The following EPHA6 variants were observed in gnomAD, a reference collection of about 807,000 sequenced individuals.
The protein encoded by EPHA6 is ephrin type-A receptor 6.
In EPHA6, 50 loss-of-function variants were observed where a neutral mutation model predicts 112.0. The observed-to-expected ratio is 0.45, with a 90% confidence interval of 0.36 to 0.56. The LOEUF is 0.56. Ranked by LOEUF, EPHA6 falls within the 20% of genes least tolerant of loss-of-function variation. The pLI, the probability that EPHA6 is intolerant of heterozygous loss-of-function variation, is 0.00. For missense variants in EPHA6, 1,280 were observed against 1,417.4 expected (o/e 0.90, Z 1.56); for synonymous variants, 529 against 490.7 (o/e 1.08, Z -1.03).
chr3:96,986,916 C>T (rs370187496), intron 2 of EPHA6, among the ~76,000 whole-genome samples: 154 of 152,202 alleles, frequency 1.0e-3, no homozygotes, highest in African/African-American at 3.6e-3. Context: ...ACCCTAAGTG[C>T]GTTTTTTATA....
intron 11 of EPHA6, among the ~76,000 whole-genome samples, chr3:97,560,000 C>G (rs1476454163): frequency 6.6e-6 from 1 of 151,304 alleles, no homozygotes; most frequent in East Asian, 1.9e-4. Flanking sequence ...AAAGATACTG[C>G]ATCCATAAAA....
chr3:97,105,511 A>ACCTCCTCTC (rs2047539537), intron 3 of EPHA6, among the ~76,000 whole-genome samples: 2 of 152,126 alleles, frequency 1.3e-5, no homozygotes, highest in African/African-American at 2.4e-5. Context: ...CTATTGTCCA[A>ACCTCCTCTC]TAGTGTGTTT....
chr3:96,895,921 A>G (rs1302217177), intron 2 of EPHA6, among the ~76,000 whole-genome samples: 1 of 152,130 alleles, frequency 6.6e-6, no homozygotes, highest in African/African-American at 2.4e-5. Flanking sequence ...ATCTTATCTT[A>G]CAGTAAGACC....
At chr3:97,066,745 A>T (rs1234296842) in intron 3 of EPHA6, among the ~76,000 whole-genome samples, 1 of 152,152 alleles carries the variant, frequency 6.6e-6, no homozygotes, top group Non-Finnish European at 1.5e-5. Context: ...ATTTACAGGT[A>T]TCTGTTTTCA....
chr3:97,562,198 G>A (rs1038175897), intron 11 of EPHA6, among the ~76,000 whole-genome samples: 20 of 152,074 alleles, frequency 1.3e-4, no homozygotes, highest in East Asian at 3.9e-4. Context: ...TTATTATTTC[G>A]GAAAACTACA....
At chr3:97,701,861 T>G (rs540696203) in intron 14 of EPHA6, among the ~76,000 whole-genome samples, 7 of 152,104 alleles carry the variant, frequency 4.6e-5, no homozygotes, top group Non-Finnish European at 1.0e-4. Flanking sequence ...ATAGGAACAA[T>G]GTATAGTGAT....
At position 97,607,258 on chromosome 3, in the gene EPHA6, G is replaced by T. The variant is rs376959694; in HGVS notation, c.2513-3535G>T. ...CCAGGGTATCTATGGAACATTTAAA[G>T]AATTATTTTGTTTTCTTTAACAACA... is the stretch of plus-strand genomic sequence containing the variant. On this transcript the variant is annotated intron_variant, in intron 12 of 17. Transcript: ENST00000389672. Among the ~76,000 whole-genome samples the T allele has an allele frequency of 2.7e-5, 4 of 147,054 alleles. No homozygotes were observed. In the South Asian group the frequency reaches 6.4e-4, roughly 24 times the overall value.
intron 6 of EPHA6, among the ~76,000 whole-genome samples, chr3:97,412,317 A>C (rs892006934): frequency 6.6e-6 from 1 of 152,036 alleles, no homozygotes; most frequent in African/African-American, 2.4e-5. Flanking sequence ...CTTCTGCTAA[A>C]TTGCTATATT....
intron 6 of EPHA6, among the ~76,000 whole-genome samples, chr3:97,419,685 AG>A (rs1218547691): frequency 6.6e-6 from 1 of 152,162 alleles, no homozygotes. Context: ...GTCCAGGGAA[AG>A]TAGGAGGAAA....
At chr3:97,277,004 A>G (rs2080107854) in intron 5 of EPHA6, among the ~76,000 whole-genome samples, 1 of 152,084 alleles carries the variant, frequency 6.6e-6, no homozygotes, top group South Asian at 2.1e-4. Flanking sequence ...AGGCTGAGGA[A>G]GAATTGGGAC....
At chr3:97,222,669 G>A (rs1437006253) in intron 3 of EPHA6, among the ~76,000 whole-genome samples, 1 of 152,166 alleles carries the variant, frequency 6.6e-6, no homozygotes, top group Non-Finnish European at 1.5e-5. Flanking sequence ...ATAGAAAGAT[G>A]AATTGTGCCA....
At chr3:97,045,835 TATC>T (rs1271356908) in intron 3 of EPHA6, among the ~76,000 whole-genome samples, 1 of 152,058 alleles carries the variant, frequency 6.6e-6, no homozygotes, top group Non-Finnish European at 1.5e-5. Context: ...TGTGGGTACA[TATC>T]ATGGTGAGAT....
chr3:97,637,876 C>T lies in EPHA6; in HGVS notation c.2578C>T (p.His860Tyr). The change falls in exon 14 of 18, where the codon CAT becomes TAT. Residue 860 changes from histidine (H) to tyrosine (Y), a missense_variant. His to Tyr is a moderately conservative substitution (Grantham distance 83). Coordinates refer to ENST00000389672, the MANE Select transcript of EPHA6 (RefSeq NM_001080448.3). The stretch of plus-strand genomic sequence containing the variant: ...CACAATTGTGATTCTCTTGCAGAAG[C>T]ATGATGGCCACTTCACAGTCATCCA... ...NGSLDSFLRK[H>Y]DGHFTVIQLV... 6.2e-7 allele frequency: 1 copy of T among 1,613,294 alleles called. No homozygotes were observed. The highest frequency in any genetic ancestry group is 8.5e-7 in the Non-Finnish European group (1 of 1,179,300).
intron 5 of EPHA6, among the ~76,000 whole-genome samples, chr3:97,253,614 G>A (rs888159418): frequency 2.0e-5 from 3 of 152,034 alleles, no homozygotes; most frequent in Admixed American, 6.6e-5. Context: ...ATTAAAGCAA[G>A]TAAATATTAT....
intron 14 of EPHA6, among the ~76,000 whole-genome samples, chr3:97,691,833 G>C (rs1233294928): frequency 6.6e-6 from 1 of 152,164 alleles, no homozygotes; most frequent in Non-Finnish European, 1.5e-5. Flanking sequence ...AGAAAAAGGA[G>C]AAAATTCTCT....
At chr3:97,611,955 G>A (rs768949371) in intron 13 of EPHA6, among the ~76,000 whole-genome samples, 1 of 151,874 alleles carries the variant, frequency 6.6e-6, no homozygotes, top group Non-Finnish European at 1.5e-5. Flanking sequence ...CTCTGACTGG[G>A]CTTGATGTCC....
intron 1 of EPHA6, among the ~76,000 whole-genome samples, chr3:96,819,411 T>C (rs955416957): frequency 6.6e-6 from 1 of 152,098 alleles, no homozygotes; most frequent in African/African-American, 2.4e-5. Flanking sequence ...CCAACCCTTT[T>C]TCCCTATCAC....
At chr3:97,711,241 C>T (rs534155635) in intron 14 of EPHA6, among the ~76,000 whole-genome samples, 40 of 152,210 alleles carry the variant, frequency 2.6e-4, no homozygotes, top group Middle Eastern at 6.8e-3. Flanking sequence ...ACGTAACTTG[C>T]TCCTCCTTGC....
At chr3:97,418,254 A>G (rs2088298946) in intron 6 of EPHA6, among the ~76,000 whole-genome samples, 1 of 151,878 alleles carries the variant, frequency 6.6e-6, no homozygotes, top group African/African-American at 2.4e-5. Context: ...ATGAAAAGAC[A>G]TTTAAAAAAT....
Sources: gnomAD v4.1 joint callset for allele counts (sites outside exome capture counted in the v4.1 genomes callset) on GRCh38, gnomAD v4.1.1 for gene constraint, MANE v1.5 for transcripts, NCBI Gene and HGNC (gene_info 2026-07-23, HGNC 2026-07-21) for gene names.